Variants in LMAN1 observed in about 807,000 individuals in gnomAD.
LMAN1 encodes the protein protein ERGIC-53.
LMAN1 carries 32 observed loss-of-function variants against 67.8 expected under a neutral mutation model. The ratio of observed to expected loss-of-function variants is 0.47; its 90% CI spans 0.36 to 0.63. The LOEUF is 0.63. LMAN1 is among the 30% of genes least tolerant of loss of function. The pLI is 0.00. For missense variants in LMAN1, 632 were observed against 628.2 expected, an observed-to-expected ratio of 1.01 and a Z score of -0.06; for synonymous variants, 235 against 219.3, an observed-to-expected ratio of 1.07 and a Z score of -0.63.
At chr18:59,338,464 G>A in intron 10 of LMAN1, 93 bp downstream of exon 10, 1 of 949,044 alleles carries the variant, frequency 1.1e-6, no homozygotes. Context: ...CCCTCATGCA[G>A]AAATCTTGCA....
In LMAN1 at chr18:59,347,838, T is replaced by A. The variant is rs1908454124; in HGVS notation, c.764-267A>T. Among the ~76,000 whole-genome samples the A allele has an allele frequency of 3.3e-5, 5 of 152,192 alleles. 1 individual carries two copies. In the South Asian group the frequency reaches 1.0e-3, roughly 32 times the overall value. ...TTAGCAGTGTTTAACATATAATAGA[T>A]GTTTAATCAATGTTTGATAAGAAAT... On this transcript the variant is annotated intron_variant, in intron 6 of 12. Transcript: ENST00000251047.
intron 10 of LMAN1, among the ~76,000 whole-genome samples, chr18:59,334,098 AT>A (rs1470055876): frequency 6.6e-6 from 1 of 152,232 alleles, no homozygotes; most frequent in Non-Finnish European, 1.5e-5. Context: ...TAAGCATAAC[AT>A]TTTAATATAA....
chr18:59,356,819 A>C (rs1908670047), intron 1 of LMAN1, among the ~76,000 whole-genome samples: 1 of 152,158 alleles, frequency 6.6e-6, no homozygotes, highest in African/African-American at 2.4e-5. Flanking sequence ...AACAGATAAC[A>C]CCCGCCTTGT....
intron 11 of LMAN1, among the ~76,000 whole-genome samples, chr18:59,332,695 C>A (rs1292601154): frequency 6.6e-6 from 1 of 152,034 alleles, no homozygotes. Context: ...CTAATCCAAT[C>A]CAAGCACACG....
In LMAN1 at chr18:59,338,625, A is replaced by C; in HGVS notation, c.1152T>G (p.Ile384Met). The stretch of plus-strand genomic sequence containing the variant: ...CAACAGTATCCAGTTCTTGTTGAGT[A>C]ATCTGGAGGAAGAAACAATGACGAG... Reference protein sequence around the residue: ...GAGMPGQHGQITQQELDTVVK... With the variant: ...GAGMPGQHGQMTQQELDTVVK... The change falls in exon 10 of 13, where the codon ATT (isoleucine) becomes ATG (methionine). Residue 384 changes from isoleucine (I) to methionine (M), a missense_variant and splice_region_variant. Coordinates refer to ENST00000251047, the MANE Select transcript of LMAN1 (RefSeq NM_005570.4). 3 of 1,613,244 alleles carry C rather than the reference A, an allele frequency of 1.9e-6. No homozygotes were observed. The highest frequency in any genetic ancestry group is 2.2e-5 in the South Asian group (2 of 91,060).
intron 10 of LMAN1, among the ~76,000 whole-genome samples, chr18:59,337,370 T>G (rs1033211255): frequency 6.6e-6 from 1 of 152,028 alleles, no homozygotes; most frequent in African/African-American, 2.4e-5. Flanking sequence ...TAATGTGCGA[T>G]TGTGGATGGG....
chr18:59,338,422 A>G (rs1908211206), intron 10 of LMAN1, 135 bp downstream of exon 10: 3 of 726,302 alleles, frequency 4.1e-6, no homozygotes, highest in Admixed American at 4.1e-5. Context: ...ATGGTCCCCT[A>G]TTTGTAAAAT....
rs1908643747 is a variant in LMAN1, at chr18:59,355,598, G to A, written c.275C>T (p.Ser92Leu). Residue 92 changes from serine to leucine, a missense_variant, in exon 2 of 13, where the codon TCA (serine) becomes TTA (leucine). Ser to Leu is a moderately radical substitution (Grantham distance 145). Coordinates refer to ENST00000251047, the MANE Select transcript of LMAN1 (RefSeq NM_005570.4). ...VAPSLKSQRG[S>L]VWTKTKAAFE... is the part of the protein sequence containing the mutation. ...GGCCGCTTTTGTCTTTGTCCACACTGAGCCTCTTTGGCTTTTTAAAGATGG... is the reference window on the plus strand; with the variant it reads ...GGCCGCTTTTGTCTTTGTCCACACTAAGCCTCTTTGGCTTTTTAAAGATGG... 1.9e-6 allele frequency: 3 copies of A among 1,614,084 alleles called. No homozygotes were observed. The highest frequency in any genetic ancestry group is 2.2e-5 in the East Asian group (1 of 44,882).
At position 59,353,284 on chromosome 18, in the gene LMAN1, G is replaced by C; in HGVS notation, c.557C>G (p.Ala186Gly). The change falls in exon 5 of 13, where the codon GCT (alanine) becomes GGT (glycine). Residue 186 changes from alanine to glycine, a missense_variant. Coordinates refer to ENST00000251047, the MANE Select transcript of LMAN1 (RefSeq NM_005570.4). ...YDHQNDGASQ[A>G]LASCQRDFRN... ...GAAGTCCCTCTGGCAACTTGCCAAA[G>C]CTTGACTAGCCCCGTCACTATAGTG... 1 of 1,613,944 alleles carries C rather than the reference G, an allele frequency of 6.2e-7. No individual in the cohort carries two copies. Among genetic ancestry groups the C allele is most frequent in the Non-Finnish European group, 8.5e-7 (1 of 1,179,844 alleles).
chr18:59,347,455 C>G (rs377540088), intron 7 of LMAN1, 58 bp downstream of exon 7: 2 of 1,227,104 alleles, frequency 1.6e-6, no homozygotes, highest in African/African-American at 3.1e-5. Flanking sequence ...TCTTCCAAAA[C>G]GTTCAGCTAA....
chr18:59,338,654 G>C, intron 9 of LMAN1, 27 bp from the exon 10 acceptor site: 1 of 1,609,086 alleles, frequency 6.2e-7, no homozygotes, highest in Non-Finnish European at 8.5e-7. Context: ...TGACGAGCAA[G>C]CTGAATAATC....
rs2070747497 is a variant in LMAN1, at chr18:59,331,504, T to C, written c.1410A>G (p.Pro470=). ...CCGTAGACAAACATGATGGAAATGG[T>C]GGTAGTTCTGGGCATTTCGGCTTTT... The part of the protein sequence containing the change: ...SNEKPKCPEL[P]PFPSCLSTVH... The change falls in exon 12 of 13, where the codon CCA becomes CCG. Residue 470 remains proline (P), a synonymous_variant. Transcript: ENST00000251047. The C allele has an allele frequency of 6.2e-7, 1 of 1,612,662 alleles. No homozygotes were observed. Among genetic ancestry groups the C allele is most frequent in the African/African-American group, 1.3e-5 (1 of 74,856 alleles).
rs1364703520 is a variant in LMAN1 at position 59,328,236 on chromosome 18, C to G, written c.*2857G>C. 1 of 152,134 alleles carries G rather than the reference C, an allele frequency of 6.6e-6. No homozygotes were observed. The highest frequency in any genetic ancestry group is 1.5e-5 in the Non-Finnish European group (1 of 68,006). The allele number at this position is 152,134 out of a possible 1,614,324, so 9.4% of individuals were successfully genotyped here. A position where few individuals can be genotyped will look rare whatever the true frequency, so the allele number is the denominator to read the frequency against. The stretch of plus-strand genomic sequence containing the variant: ...GTCATTTCTGTTTTCCCTAAGTTAT[C>G]AAAAAGTACAACTGTCTGATATAAA... On this transcript the variant is annotated 3_prime_UTR_variant, in exon 13 of 13. Coordinates refer to ENST00000251047, the MANE Select transcript of LMAN1 (RefSeq NM_005570.4).
chr18:59,328,552 A>G lies in LMAN1; in HGVS notation c.*2541T>C, dbSNP rs907209594. The G allele has an allele frequency of 2.6e-5, 4 of 152,154 alleles. No homozygotes were observed. Among genetic ancestry groups the G allele is most frequent in the African/African-American group, 7.2e-5 (3 of 41,438 alleles). The allele number at this position is 152,154 out of a possible 1,614,324, so 9.4% of individuals were successfully genotyped here. A position where few individuals can be genotyped will look rare whatever the true frequency, so the allele number is the denominator to read the frequency against. The stretch of plus-strand genomic sequence containing the variant: ...ATATTATCTTCTCAGCTCAGCTCTA[A>G]ATTAACAAAACACCTATTTTTTTTT... On this transcript the variant is annotated 3_prime_UTR_variant, in exon 13 of 13. Coordinates refer to ENST00000251047, the MANE Select transcript of LMAN1 (RefSeq NM_005570.4).
intron 10 of LMAN1, among the ~76,000 whole-genome samples, chr18:59,338,253 TTC>T (rs938108301): frequency 1.3e-5 from 2 of 152,198 alleles, no homozygotes; most frequent in Non-Finnish European, 2.9e-5. Flanking sequence ...TTATTTCATA[TTC>T]TTTTTATATT....
At chr18:59,349,045 C>G in intron 6 of LMAN1, 68 bp downstream of exon 6, 1 of 1,567,454 alleles carries the variant, frequency 6.4e-7, no homozygotes, top group Non-Finnish European at 8.8e-7. Flanking sequence ...GTCTACATAT[C>G]CCTAATATAC....
At chr18:59,333,466 A>G (rs1178166621) in intron 10 of LMAN1, 2 of 491,574 alleles carry the variant, frequency 4.1e-6, no homozygotes, top group African/African-American at 2.0e-5. Context: ...TAAAAATACC[A>G]TGTAGAAAAT....
chr18:59,348,357 G>T (rs1908467422), intron 6 of LMAN1, among the ~76,000 whole-genome samples: 1 of 152,156 alleles, frequency 6.6e-6, no homozygotes. Flanking sequence ...ACTGTGTTGG[G>T]TAACAGGGCA....
chr18:59,351,709 T>C (rs1433965419), intron 5 of LMAN1: 3 of 152,254 alleles, frequency 2.0e-5, no homozygotes, highest in Non-Finnish European at 4.4e-5. Flanking sequence ...GGCTATTGTT[T>C]TGGAGTGCTG....
Sources: allele counts gnomAD v4.1 joint callset (sites outside exome capture counted in the v4.1 genomes callset), GRCh38; gene constraint gnomAD v4.1.1; transcripts MANE v1.5; gene names NCBI Gene and HGNC (gene_info 2026-07-23, HGNC 2026-07-21).